Variants in DIAPH2 observed in about 807,000 individuals in gnomAD.
DIAPH2 encodes the protein diaphanous related formin 2.
DIAPH2 carries 35 observed loss-of-function variants against 92.7 expected under a neutral mutation model. The ratio of observed to expected loss-of-function variants is 0.38; its 90% CI spans 0.29 to 0.50. The LOEUF is 0.50. DIAPH2 is among the 20% of genes least tolerant of loss of function. The pLI is 0.94. For synonymous variants in DIAPH2, 301 were observed against 280.4 expected (o/e 1.07, Z -0.73); for missense variants, 701 against 819.5 (o/e 0.86, Z 1.77).
At chrX:97,299,612 A>G (rs370924213) in intron 23 of DIAPH2, among the ~76,000 whole-genome samples, 10 of 112,369 alleles carry the variant, frequency 8.9e-5, no homozygotes, top group African/African-American at 3.2e-4. Flanking sequence ...TGAACCTCAG[A>G]CATCTGATAT....
intron 2 of DIAPH2, among the ~76,000 whole-genome samples, chrX:96,736,563 C>T (rs1569378948): frequency 2.7e-5 from 3 of 111,155 alleles, no homozygotes; most frequent in East Asian, 2.8e-4. Context: ...CCCACCACCA[C>T]GCCTGGCCAA....
chrX:97,284,626 A>AT (rs1446968750), intron 23 of DIAPH2, among the ~76,000 whole-genome samples: 1 of 109,553 alleles, frequency 9.1e-6, no homozygotes, highest in Non-Finnish European at 1.9e-5. Context: ...AAAAAAAAAA[A>AT]CAAAGAGTTA....
chrX:97,321,694 C>T (rs953064442), intron 23 of DIAPH2, among the ~76,000 whole-genome samples: 4 of 108,856 alleles, frequency 3.7e-5, no homozygotes, highest in African/African-American at 6.7e-5. Flanking sequence ...GGACTACAGG[C>T]GCCCACCACC....
At chrX:97,009,283 G>A (rs1269964282) in intron 17 of DIAPH2, among the ~76,000 whole-genome samples, 2 of 111,244 alleles carry the variant, frequency 1.8e-5, no homozygotes, top group East Asian at 5.7e-4. Context: ...GGCAGCTTGC[G>A]GTGAATGCCT....
intron 4 of DIAPH2, among the ~76,000 whole-genome samples, chrX:96,863,442 A>G (rs2065084552): frequency 9.1e-6 from 1 of 110,432 alleles, no homozygotes; most frequent in Admixed American, 9.7e-5. Flanking sequence ...AATGTATTTC[A>G]ATTATAAAAG....
intron 16 of DIAPH2, 111 bp from the exon 17 acceptor site, chrX:96,964,981 AG>A: frequency 1.3e-6 from 1 of 750,044 alleles, no homozygotes; most frequent in Non-Finnish European, 1.8e-6. Context: ...AAATTGACTT[AG>A]AGGATAGAGG....
intron 24 of DIAPH2, among the ~76,000 whole-genome samples, chrX:97,378,520 A>G (rs752130790): frequency 8.9e-6 from 1 of 111,842 alleles, no homozygotes; most frequent in Non-Finnish European, 1.9e-5. Context: ...GAAAGGAAGG[A>G]AAGAAAGGAA....
At chrX:97,139,455 T>A (rs537566) in intron 21 of DIAPH2, among the ~76,000 whole-genome samples, 13,938 of 104,889 alleles carry the variant, frequency 0.13, 1,142 homozygotes, top group African/African-American at 0.3. Context: ...TTTTTTTTTT[T>A]AAAAAAAAAC....
chrX:97,376,603 T>A (rs1437508934), intron 24 of DIAPH2, among the ~76,000 whole-genome samples: 1 of 112,283 alleles, frequency 8.9e-6, no homozygotes, highest in Admixed American at 9.5e-5. Flanking sequence ...TTATTGAACA[T>A]GTTTTATGTG....
intron 4 of DIAPH2, among the ~76,000 whole-genome samples, chrX:96,770,697 A>T (rs960804252): frequency 3.6e-5 from 4 of 112,018 alleles, no homozygotes; most frequent in African/African-American, 1.3e-4. Context: ...ATTCAGTCAG[A>T]ATAAAAATAA....
chrX:96,738,488 T>C (rs1317132080), intron 2 of DIAPH2, 98 bp from the exon 3 acceptor site: 11 of 591,990 alleles, frequency 1.9e-5, no homozygotes, highest in African/African-American at 4.7e-5. Context: ...AATAATGATA[T>C]GTATTATACT....
intron 23 of DIAPH2, among the ~76,000 whole-genome samples, chrX:97,346,397 A>G (rs1054532342): frequency 1.9e-5 from 2 of 102,814 alleles, no homozygotes; most frequent in Non-Finnish European, 4.0e-5. Flanking sequence ...TCTCCCCTTC[A>G]TCCTCTCTTC....
chrX:96,874,165 G>A (rs1037184486), intron 4 of DIAPH2, among the ~76,000 whole-genome samples: 3 of 111,818 alleles, frequency 2.7e-5, no homozygotes, highest in African/African-American at 9.7e-5. Context: ...CTAGATTTAA[G>A]TAAGAGGTTA....
intron 4 of DIAPH2, among the ~76,000 whole-genome samples, chrX:96,849,904 C>G (rs1432842537): frequency 9.0e-6 from 1 of 111,569 alleles, no homozygotes; most frequent in Non-Finnish European, 1.9e-5. Context: ...CTTTTAATGC[C>G]TCTGAAAATG....
chrX:96,841,877 A>G (rs1487254779), intron 4 of DIAPH2, among the ~76,000 whole-genome samples: 1 of 111,123 alleles, frequency 9.0e-6, no homozygotes, highest in Non-Finnish European at 1.9e-5. Context: ...GGGGTGGGGC[A>G]GTTTTATAGG....
In DIAPH2 at chrX:96,735,753, A is replaced by G. The variant is rs760738349; in HGVS notation, c.133-5A>G. The G allele has an allele frequency of 9.3e-7, 1 of 1,077,480 alleles. No homozygotes were observed. Among genetic ancestry groups the G allele is most frequent in the Non-Finnish European group, 1.3e-6 (1 of 794,345 alleles). 88.8% of individuals were successfully genotyped at this position (1,077,480 alleles called of 1,213,427 possible). A position where few individuals can be genotyped will look rare whatever the true frequency, so the allele number is the denominator to read the frequency against. On this transcript the variant is annotated splice_region_variant and splice_polypyrimidine_tract_variant and intron_variant, in intron 1 of 26. Coordinates refer to ENST00000324765, the MANE Select transcript of DIAPH2 (RefSeq NM_006729.5). Reference sequence around the variant, plus strand: ...TTTTTGTTTGTTTCTTTTTGGTTTTAATAGAACATTCAAATAAAAACTTTG... The same window carrying G: ...TTTTTGTTTGTTTCTTTTTGGTTTTGATAGAACATTCAAATAAAAACTTTG...
At chrX:96,884,293 G>T (rs1283627761) in intron 5 of DIAPH2, 1 of 1,198,321 alleles carries the variant, frequency 8.3e-7, no homozygotes, top group Admixed American at 2.2e-5. Flanking sequence ...CTTCTCCTCA[G>T]CCTGAGCTGT....
chrX:96,722,223 G>C (rs915129162), intron 1 of DIAPH2, among the ~76,000 whole-genome samples: 2 of 110,478 alleles, frequency 1.8e-5, no homozygotes, highest in African/African-American at 6.6e-5. Context: ...CGGGCGTGGT[G>C]GTGGGCGCCT....
At chrX:97,075,515 A>T (rs903971435) in intron 19 of DIAPH2, among the ~76,000 whole-genome samples, 57 of 112,059 alleles carry the variant, frequency 5.1e-4, no homozygotes, top group African/African-American at 1.8e-3. Context: ...ATATATAGAC[A>T]TATCATTGTC....
Sources: gnomAD v4.1 joint callset for allele counts (sites outside exome capture counted in the v4.1 genomes callset) on GRCh38, gnomAD v4.1.1 for gene constraint, MANE v1.5 for transcripts, NCBI Gene and HGNC (gene_info 2026-07-23, HGNC 2026-07-21) for gene names.